Variants in CACNG5 observed in about 807,000 individuals in gnomAD.
CACNG5 encodes the protein voltage-dependent calcium channel gamma-5 subunit.
In CACNG5, 18 loss-of-function variants were observed where a neutral mutation model predicts 24.8. The ratio of observed to expected loss-of-function variants is 0.73; its 90% CI spans 0.50 to 1.08. The LOEUF (loss-of-function observed/expected upper bound fraction) is 1.08. Ranked by LOEUF, CACNG5 falls within the 50% of genes least tolerant of loss-of-function variation. The probability of loss-of-function intolerance (pLI) is 0.00; values close to 1 mark genes in which losing one functional copy is unlikely to be tolerated. For synonymous variants in CACNG5, 157 were observed against 149.1 expected, an observed-to-expected ratio of 1.05 and a Z score of -0.39; for missense variants, 349 against 367.9, an observed-to-expected ratio of 0.95 and a Z score of 0.42.
At chr17:66,847,225 G>C (rs1247771707) in intron 1 of CACNG5, among the ~76,000 whole-genome samples, 1 of 152,188 alleles carries the variant, frequency 6.6e-6, no homozygotes, top group Admixed American at 6.5e-5. Context: ...TCTGTACCTG[G>C]ACACAACTTG....
chr17:66,864,001 C>T (rs1432261611), intron 1 of CACNG5, among the ~76,000 whole-genome samples: 1 of 152,138 alleles, frequency 6.6e-6, no homozygotes, highest in Non-Finnish European at 1.5e-5. Context: ...TGTCCGGTAA[C>T]TTTTGATTGA....
At chr17:66,879,567 C>T (rs1346958228) in intron 3 of CACNG5, among the ~76,000 whole-genome samples, 2 of 152,152 alleles carry the variant, frequency 1.3e-5, no homozygotes, top group Non-Finnish European at 2.9e-5. Context: ...GCAAAAATGA[C>T]TCACAGAACT....
At chr17:66,845,476 A>AC (rs911686007) in intron 1 of CACNG5, among the ~76,000 whole-genome samples, 2 of 148,546 alleles carry the variant, frequency 1.3e-5, no homozygotes, top group African/African-American at 5.0e-5. Context: ...AAAAAAAACA[A>AC]AAAACTATCC....
intron 1 of CACNG5, among the ~76,000 whole-genome samples, chr17:66,869,208 C>T (rs1239399885): frequency 1.3e-5 from 2 of 152,038 alleles, no homozygotes; most frequent in Admixed American, 6.6e-5. Flanking sequence ...CTCAGCCTCC[C>T]GAGTAGCTGG....
intron 1 of CACNG5, among the ~76,000 whole-genome samples, chr17:66,875,563 T>C (rs757108611): frequency 2.0e-5 from 3 of 152,190 alleles, no homozygotes; most frequent in Non-Finnish European, 4.4e-5. Flanking sequence ...ACTCTCCTCC[T>C]ACAGTCAACT....
At chr17:66,874,049 G>A (rs376656103) in intron 1 of CACNG5, among the ~76,000 whole-genome samples, 2 of 151,656 alleles carry the variant, frequency 1.3e-5, no homozygotes, top group South Asian at 2.1e-4. Context: ...GTTTGAGAAC[G>A]CAAGCCTTGA....
At chr17:66,876,868 C>T (rs746558150) in intron 1 of CACNG5, among the ~76,000 whole-genome samples, 2 of 152,142 alleles carry the variant, frequency 1.3e-5, no homozygotes, top group Non-Finnish European at 2.9e-5. Context: ...CTCAATAGGT[C>T]GCATTTAATT....
At chr17:66,883,874 C>CTGT (rs1977202622) in intron 4 of CACNG5, among the ~76,000 whole-genome samples, 1 of 152,222 alleles carries the variant, frequency 6.6e-6, no homozygotes, top group Non-Finnish European at 1.5e-5. Flanking sequence ...TGGCTCACAC[C>CTGT]TGTAATCCCA....
chr17:66,874,156 A>C (rs726938), intron 1 of CACNG5, among the ~76,000 whole-genome samples: 109,673 of 152,008 alleles, frequency 0.72, 40,151 homozygotes, highest in African/African-American at 0.84. Context: ...CTCACTGATC[A>C]TCAGTTTGCT....
chr17:66,866,302 T>A (rs375294137), intron 1 of CACNG5, among the ~76,000 whole-genome samples: 92 of 152,188 alleles, frequency 6.0e-4, no homozygotes, highest in African/African-American at 2.1e-3. Context: ...TTTGGCAGGA[T>A]CTTGCTCTGT....
At chr17:66,860,242 G>T (rs981699646) in intron 1 of CACNG5, among the ~76,000 whole-genome samples, 1 of 151,984 alleles carries the variant, frequency 6.6e-6, no homozygotes, top group Non-Finnish European at 1.5e-5. Flanking sequence ...TTTCTAGCTG[G>T]GTAAAGCAAA....
intron 1 of CACNG5, among the ~76,000 whole-genome samples, chr17:66,862,578 C>T (rs952355003): frequency 6.6e-6 from 1 of 152,152 alleles, no homozygotes; most frequent in Non-Finnish European, 1.5e-5. Context: ...CCACATTGAG[C>T]ATATGGAACT....
intron 3 of CACNG5, among the ~76,000 whole-genome samples, chr17:66,880,121 CAG>C (rs1336343062): frequency 6.6e-6 from 1 of 152,194 alleles, no homozygotes; most frequent in Non-Finnish European, 1.5e-5. Context: ...TTGAAGAAAA[CAG>C]AGGCTGTAAC....
intron 1 of CACNG5, among the ~76,000 whole-genome samples, chr17:66,861,186 G>A (rs1976852516): frequency 1.3e-5 from 2 of 152,198 alleles, no homozygotes; most frequent in South Asian, 2.1e-4. Flanking sequence ...GTTGGGAGAA[G>A]GAGAAGCCAA....
At chr17:66,859,962 A>G (rs1976832146) in intron 1 of CACNG5, among the ~76,000 whole-genome samples, 1 of 152,090 alleles carries the variant, frequency 6.6e-6, no homozygotes, top group Non-Finnish European at 1.5e-5. Context: ...CGCATGATGC[A>G]AAGGCCCAGG....
chr17:66,850,933 G>A (rs553495942), intron 1 of CACNG5, among the ~76,000 whole-genome samples: 1 of 152,278 alleles, frequency 6.6e-6, no homozygotes, highest in African/African-American at 2.4e-5. Flanking sequence ...TAATACTAAG[G>A]AGAACCAGGG....
intron 1 of CACNG5, among the ~76,000 whole-genome samples, chr17:66,868,758 T>C (rs1056744919): frequency 6.6e-6 from 1 of 152,198 alleles, no homozygotes; most frequent in African/African-American, 2.4e-5. Context: ...ACATCATATT[T>C]ATTCTTTGTC....
intron 1 of CACNG5, 131 bp from the exon 2 acceptor site, chr17:66,877,099 G>T (rs1276577468): frequency 5.9e-6 from 3 of 510,992 alleles, no homozygotes; most frequent in Admixed American, 3.4e-5. Context: ...ATTGCTGCGG[G>T]GTTAGGGGGA....
In CACNG5 at chr17:66,885,046, C is replaced by A. The variant is rs1424184481; in HGVS notation, c.634C>A (p.Pro212Thr). The change falls in exon 6 of 6, where the codon CCC (proline) becomes ACC (threonine). Residue 212 changes from proline (P) to threonine (T), a missense_variant. By Grantham distance (38) the Pro-to-Thr change is conservative (BLOSUM62 -1). Coordinates refer to ENST00000533854, the MANE Select transcript of CACNG5 (RefSeq NM_145811.3). ...KRYTAEDMYR[P>T]HPGFYRPRLS... ...GTACACCGCGGAGGACATGTACAGG[C>A]CCCACCCTGGCTTCTACCGCCCTCG... 5 of 1,614,078 alleles carry A rather than the reference C, an allele frequency of 3.1e-6. No homozygotes were observed. In the South Asian group the frequency reaches 5.5e-5, roughly 18 times the overall value.
Sources: gnomAD v4.1 joint callset for allele counts (sites outside exome capture counted in the v4.1 genomes callset) on GRCh38, gnomAD v4.1.1 for gene constraint, MANE v1.5 for transcripts, NCBI Gene and HGNC (gene_info 2026-07-23, HGNC 2026-07-21) for gene names.